Variants in CCSER1 observed in about 807,000 individuals in gnomAD.
CCSER1 encodes coiled-coil serine rich protein 1.
A neutral mutation model predicts 82.0 loss-of-function variants in CCSER1; 41 were observed. The ratio of observed to expected loss-of-function variants is 0.50; its 90% CI spans 0.39 to 0.65. CCSER1 has a LOEUF of 0.65. Ranked by LOEUF, CCSER1 falls within the 30% of genes least tolerant of loss-of-function variation. CCSER1 has a pLI of 0.00. For missense variants in CCSER1, 1,119 were observed against 1,064.2 expected (o/e 1.05, Z -0.72); for synonymous variants, 414 against 383.9 (o/e 1.08, Z -0.92).
At chr4:91,176,875 A>G (rs953702785) in intron 10 of CCSER1, among the ~76,000 whole-genome samples, 2 of 152,190 alleles carry the variant, frequency 1.3e-5, no homozygotes, top group African/African-American at 4.8e-5. Context: ...AAGTGGTGAG[A>G]GAGGGCATCC....
intron 10 of CCSER1, among the ~76,000 whole-genome samples, chr4:91,217,454 G>C (rs1005551910): frequency 1.3e-5 from 2 of 152,220 alleles, no homozygotes; most frequent in Non-Finnish European, 2.9e-5. Flanking sequence ...AGAGCAGCTA[G>C]ATACAGAGTG....
intron 6 of CCSER1, among the ~76,000 whole-genome samples, chr4:90,705,327 T>A (rs1351678180): frequency 2.6e-5 from 4 of 152,228 alleles, no homozygotes; most frequent in Non-Finnish European, 2.9e-5. Context: ...TGATTGTTCC[T>A]GTGGAAGCTT....
chr4:91,075,608 A>C (rs888562267), intron 9 of CCSER1, among the ~76,000 whole-genome samples: 2 of 152,168 alleles, frequency 1.3e-5, no homozygotes, highest in Non-Finnish European at 2.9e-5. Flanking sequence ...GAGTCAGACA[A>C]ATTGTCTCAG....
chr4:91,388,174 C>T (rs1415577346), intron 10 of CCSER1, among the ~76,000 whole-genome samples: 1 of 152,016 alleles, frequency 6.6e-6, no homozygotes, highest in Non-Finnish European at 1.5e-5. Context: ...AATCACCACA[C>T]CCAGCTTGAT....
chr4:90,502,431 A>T (rs1443424560), intron 5 of CCSER1, among the ~76,000 whole-genome samples: 1 of 152,204 alleles, frequency 6.6e-6, no homozygotes, highest in Non-Finnish European at 1.5e-5. Flanking sequence ...TCCTTCCCTT[A>T]ACATTGGGGA....
chr4:90,835,060 T>C lies in CCSER1; in HGVS notation c.2094+19215T>C, dbSNP rs903313133. ...TAATTTTACCTTTTTCTCGCTGGCC[T>C]GGTGGCTCACGCCTTAATCCCAGCA... On this transcript the variant is annotated intron_variant, in intron 8 of 10. Coordinates refer to ENST00000509176, the MANE Select transcript of CCSER1 (RefSeq NM_001145065.2). Among the ~76,000 whole-genome samples the C allele has an allele frequency of 3.9e-5, 6 of 152,212 alleles. 1 individual carries two copies. The highest frequency in any genetic ancestry group is 3.3e-4 in the Admixed American group (5 of 15,272).
chr4:91,202,549 G>A lies in CCSER1; in HGVS notation c.2217+116555G>A, dbSNP rs562658215. Among the ~76,000 whole-genome samples the A allele has an allele frequency of 1.6e-4, 24 of 152,060 alleles. No homozygotes were observed. The East Asian group carries it at 1.9e-3, about 12-fold the overall frequency. ...ATGTCAAGGATTTTTATTGATTGCCGAAAGAGGCAGGATAGTATTTAAAGA... is the reference window on the plus strand; with the variant it reads ...ATGTCAAGGATTTTTATTGATTGCCAAAAGAGGCAGGATAGTATTTAAAGA... On this transcript the variant is annotated intron_variant, in intron 10 of 10. Coordinates refer to ENST00000509176, the MANE Select transcript of CCSER1 (RefSeq NM_001145065.2).
chr4:91,387,216 T>G (rs1419012104), intron 10 of CCSER1, among the ~76,000 whole-genome samples: 2 of 151,926 alleles, frequency 1.3e-5, no homozygotes, highest in Non-Finnish European at 2.9e-5. Flanking sequence ...TACATAGACA[T>G]ACACACAAAC....
chr4:90,329,144 C>G (rs1466140955), intron 3 of CCSER1, among the ~76,000 whole-genome samples: 1 of 151,642 alleles, frequency 6.6e-6, no homozygotes, highest in Non-Finnish European at 1.5e-5. Flanking sequence ...ACAATATGAA[C>G]AAAGTAGGAA....
chr4:91,318,919 A>C (rs1746005667), intron 10 of CCSER1: 1 of 154,350 alleles, frequency 6.5e-6, no homozygotes, highest in South Asian at 2.0e-4. Flanking sequence ...GTTTTTAAAA[A>C]TTTCATGGAG....
chr4:90,922,590 T>C (rs1341675593), intron 8 of CCSER1, among the ~76,000 whole-genome samples: 2 of 152,102 alleles, frequency 1.3e-5, no homozygotes, highest in African/African-American at 4.8e-5. Flanking sequence ...CTTCCTAAAT[T>C]GTATTGTTTT....
At chr4:91,262,298 G>A (rs540745495) in intron 10 of CCSER1, among the ~76,000 whole-genome samples, 15 of 151,946 alleles carry the variant, frequency 9.9e-5, no homozygotes, top group Middle Eastern at 6.8e-3. Context: ...ATACATTTAG[G>A]ACAAAATAGA....
intron 6 of CCSER1, among the ~76,000 whole-genome samples, chr4:90,692,462 A>G (rs574174357): frequency 3.7e-4 from 57 of 152,040 alleles, no homozygotes; most frequent in Middle Eastern, 3.4e-3. Context: ...AAATTTAAAC[A>G]CCTTGGATTA....
At chr4:90,779,778 CT>C (rs1276538883) in intron 7 of CCSER1, among the ~76,000 whole-genome samples, 1 of 152,154 alleles carries the variant, frequency 6.6e-6, no homozygotes, top group Non-Finnish European at 1.5e-5. Flanking sequence ...GAGGAAAAAA[CT>C]GGATGAAAAG....
chr4:91,282,413 TAAC>T (rs1037952102), intron 10 of CCSER1, among the ~76,000 whole-genome samples: 15 of 152,202 alleles, frequency 9.9e-5, no homozygotes, highest in African/African-American at 3.4e-4. Context: ...GGGTTGGTGC[TAAC>T]AACCTACACT....
rs1027008360 is a variant in CCSER1 at position 91,327,495 on chromosome 4, T to G, written c.2217+241501T>G. ...TAAGCCTGGCCCATGAAACCATTTTTCCCTCCTAGGCCTCCAGGCCTGTGA... is the reference window on the plus strand; with the variant it reads ...TAAGCCTGGCCCATGAAACCATTTTGCCCTCCTAGGCCTCCAGGCCTGTGA... On this transcript the variant is annotated intron_variant, in intron 10 of 10. Coordinates refer to ENST00000509176, the MANE Select transcript of CCSER1 (RefSeq NM_001145065.2). 5.9e-5 allele frequency among the ~76,000 whole-genome samples: 9 copies of G among 152,174 alleles called. 1 individual carries two copies. The highest frequency in any genetic ancestry group is 2.2e-4 in the African/African-American group (9 of 41,458).
At chr4:91,099,818 A>G (rs1724875776) in intron 10 of CCSER1, among the ~76,000 whole-genome samples, 1 of 152,188 alleles carries the variant, frequency 6.6e-6, no homozygotes, top group Admixed American at 6.5e-5. Context: ...TTGAGGTCTT[A>G]TAGTGGCTGC....
chr4:91,465,038 T>G (rs919803925), intron 10 of CCSER1, among the ~76,000 whole-genome samples: 4 of 152,112 alleles, frequency 2.6e-5, no homozygotes, highest in Non-Finnish European at 4.4e-5. Context: ...CCACCCCAAA[T>G]CAACAGAATA....
intron 10 of CCSER1, among the ~76,000 whole-genome samples, chr4:91,333,870 T>A (rs1228941756): frequency 6.6e-6 from 1 of 152,012 alleles, no homozygotes; most frequent in African/African-American, 2.4e-5. Flanking sequence ...TTGACTTATG[T>A]CTGAGTGACA....
Sources: allele counts gnomAD v4.1 joint callset (sites outside exome capture counted in the v4.1 genomes callset), GRCh38; gene constraint gnomAD v4.1.1; transcripts MANE v1.5; gene names NCBI Gene and HGNC (gene_info 2026-07-23, HGNC 2026-07-21).